Variants in MYO9B observed in about 807,000 individuals in gnomAD.
MYO9B encodes the protein myosin IXB.
In MYO9B, 71 loss-of-function variants were observed where a neutral mutation model predicts 229.5. The ratio of observed to expected loss-of-function variants is 0.31; its 90% CI spans 0.26 to 0.38. The LOEUF is 0.38. Ranked by LOEUF, MYO9B falls within the 10% of genes least tolerant of loss-of-function variation. The pLI is 1.00. For missense variants in MYO9B, 2,255 were observed against 2,920.5 expected (o/e 0.77, Z 5.25); for synonymous variants, 1,185 against 1,235.8 (o/e 0.96, Z 0.86).
At chr19:17,143,018 C>G (rs1036904972) in intron 2 of MYO9B, among the ~76,000 whole-genome samples, 2 of 152,138 alleles carry the variant, frequency 1.3e-5, no homozygotes, top group African/African-American at 4.8e-5. Context: ...GCGGGCAGAT[C>G]ACCTGAGGTC....
chr19:17,086,458 C>T (rs1360922421), intron 1 of MYO9B, among the ~76,000 whole-genome samples: 1 of 152,224 alleles, frequency 6.6e-6, no homozygotes, highest in Non-Finnish European at 1.5e-5. Flanking sequence ...CCCACCTTGG[C>T]CCGGCTCGTA....
At chr19:17,158,268 A>G (rs563809647) in intron 7 of MYO9B, among the ~76,000 whole-genome samples, 1 of 152,130 alleles carries the variant, frequency 6.6e-6, no homozygotes, top group African/African-American at 2.4e-5. Context: ...ATCTGCTGGG[A>G]TATTTAGAGA....
At chr19:17,194,114 G>A (rs1201952835) in intron 21 of MYO9B, among the ~76,000 whole-genome samples, 1 of 152,074 alleles carries the variant, frequency 6.6e-6, no homozygotes, top group African/African-American at 2.4e-5. Context: ...AGAGGTCGCA[G>A]CAAGCCAAGA....
chr19:17,197,465 T>A (rs2073058726), intron 22 of MYO9B, among the ~76,000 whole-genome samples: 1 of 150,770 alleles, frequency 6.6e-6, no homozygotes, highest in East Asian at 1.9e-4. Flanking sequence ...GATAGATAGA[T>A]GGGCAGGCAG....
At chr19:17,108,323 C>T (rs919774780) in intron 2 of MYO9B, among the ~76,000 whole-genome samples, 2 of 152,056 alleles carry the variant, frequency 1.3e-5, no homozygotes, top group Non-Finnish European at 2.9e-5. Flanking sequence ...CTTCCTGGGG[C>T]GACTGTTTGC....
At chr19:17,153,437 A>G (rs2072502477) in intron 4 of MYO9B, among the ~76,000 whole-genome samples, 1 of 151,160 alleles carries the variant, frequency 6.6e-6, no homozygotes. Flanking sequence ...CTGTAATCCC[A>G]GCACTTTGGG....
intron 1 of MYO9B, among the ~76,000 whole-genome samples, chr19:17,090,779 T>G (rs1471460688): frequency 6.6e-6 from 1 of 152,104 alleles, no homozygotes; most frequent in Non-Finnish European, 1.5e-5. Context: ...GAAACACGTT[T>G]TCAGGACCCG....
At chr19:17,110,443 G>A (rs896777785) in intron 2 of MYO9B, among the ~76,000 whole-genome samples, 1 of 152,110 alleles carries the variant, frequency 6.6e-6, no homozygotes, top group Non-Finnish European at 1.5e-5. Flanking sequence ...ATGGGGTCTC[G>A]CCGCAAAGCA....
In MYO9B at chr19:17,175,694, A is replaced by C. The variant is rs369700226; in HGVS notation, c.2172A>C (p.Pro724=). 5.7e-6 allele frequency: 9 copies of C among 1,575,512 alleles called. No individual in the cohort carries two copies. The highest frequency in any genetic ancestry group is 7.8e-6 in the Non-Finnish European group (9 of 1,161,060). ...GCAGCCCTGGTGCCCAAAGTCACCC[A>C]GAAGAGCTGCCAAGAGGAGCCAGCA... ...GMSSPGAQSH[P]EELPRGASTP... The change falls in exon 14 of 40, where the codon CCA becomes CCC. Residue 724 remains proline (P), a synonymous_variant. Transcript: ENST00000682292.
chr19:17,119,006 C>A (rs2057935421), intron 2 of MYO9B, among the ~76,000 whole-genome samples: 1 of 152,118 alleles, frequency 6.6e-6, no homozygotes, highest in Non-Finnish European at 1.5e-5. Flanking sequence ...TCTCACCTCT[C>A]CCCTACAAAC....
intron 3 of MYO9B, among the ~76,000 whole-genome samples, chr19:17,150,367 C>A (rs903023554): frequency 1.3e-5 from 2 of 151,388 alleles, no homozygotes; most frequent in African/African-American, 4.9e-5. Flanking sequence ...CAGATCATGC[C>A]ACTGCACCCC....
rs371170616 is a variant in MYO9B, at chr19:17,185,975, C to T, written c.2551C>T (p.Arg851Cys). 55 of 1,613,716 alleles carry T rather than the reference C, an allele frequency of 3.4e-5. 1 individual carries two copies. Among genetic ancestry groups the T allele is most frequent in the Non-Finnish European group, 4.2e-5 (49 of 1,179,800 alleles). The change falls in exon 18 of 40, where the codon CGC becomes TGC. Residue 851 changes from arginine to cysteine, a missense_variant. Coordinates refer to ENST00000682292, the MANE Select transcript of MYO9B (RefSeq NM_004145.4). Reference protein sequence around the residue: ...ALGKAEPFFIRCIRSNAEKKE... With the variant: ...ALGKAEPFFICCIRSNAEKKE... ...GGGGAAGGCGGAGCCCTTCTTTATC[C>T]GCTGCATCCGTTCCAATGCTGAAAA...
At chr19:17,204,256 G>C (rs533889617) in intron 30 of MYO9B, among the ~76,000 whole-genome samples, 1 of 151,952 alleles carries the variant, frequency 6.6e-6, no homozygotes, top group Admixed American at 6.5e-5. Flanking sequence ...CAGCTGGGTG[G>C]CCTGGGATTC....
intron 1 of MYO9B, among the ~76,000 whole-genome samples, chr19:17,100,780 A>G (rs2057737489): frequency 6.6e-6 from 1 of 152,062 alleles, no homozygotes; most frequent in Non-Finnish European, 1.5e-5. Flanking sequence ...TTCAGAAGCA[A>G]CCACACTCTA....
chr19:17,202,413 C>T lies in MYO9B; in HGVS notation c.4836+110C>T, dbSNP rs113780840. On this transcript the variant is annotated intron_variant, in intron 28 of 39. Transcript: ENST00000682292. ...TCACCATGCTTATGCCACACCCACC[C>T]ATGCCCTGCCCATACCACAGCCACT... 4,858 of 1,090,604 alleles carry T rather than the reference C, an allele frequency of 4.5e-3. 18 individuals carry two copies. The highest frequency in any genetic ancestry group is 6.0e-3 in the Middle Eastern group (21 of 3,488). 67.6% of individuals were successfully genotyped at this position (1,090,604 alleles called of 1,614,324 possible). A position where few individuals can be genotyped will look rare whatever the true frequency, so the allele number is the denominator to read the frequency against.
At chr19:17,080,316 C>T (rs771502023) in intron 1 of MYO9B, among the ~76,000 whole-genome samples, 14 of 152,172 alleles carry the variant, frequency 9.2e-5, no homozygotes, top group Non-Finnish European at 7.3e-5. Context: ...AGTATATTGG[C>T]TTGCAGTTCT....
intron 2 of MYO9B, among the ~76,000 whole-genome samples, chr19:17,134,096 G>A (rs1251227947): frequency 6.6e-6 from 1 of 151,900 alleles, no homozygotes; most frequent in Non-Finnish European, 1.5e-5. Context: ...TTTGGACTGG[G>A]GGTACATGTG....
Position 17,172,927 on chromosome 19 carries a change from G to A in MYO9B, c.2104G>A (p.Gly702Arg), listed in dbSNP as rs368425030. 1.6e-4 allele frequency: 257 copies of A among 1,599,090 alleles called. No homozygotes were observed. The highest frequency in any genetic ancestry group is 2.1e-4 in the Non-Finnish European group (249 of 1,179,588). The stretch of plus-strand genomic sequence containing the variant: ...GGCCATGGCAGTGCTTCGGGAGGCC[G>A]GACGCCTGCGGGCCGAGAGGGCCGA... The part of the protein sequence containing the change: ...IRAMAVLREA[G>R]RLRAERAEKA... Residue 702 changes from glycine to arginine, a missense_variant, in exon 13 of 40, where the codon GGA becomes AGA. Gly to Arg is a moderately radical substitution (Grantham distance 125). This residue lies in a region of MYO9B where 155 missense variants were observed against 159.1 expected (regional missense o/e 0.97). Transcript: ENST00000682292. The surrounding 1 kb of genome is among the most constrained non-coding windows in gnomAD (Gnocchi z 8.2).
chr19:17,129,753 T>C (rs1370595423), intron 2 of MYO9B, among the ~76,000 whole-genome samples: 1 of 152,232 alleles, frequency 6.6e-6, no homozygotes, highest in African/African-American at 2.4e-5. Flanking sequence ...CCACAGGTCA[T>C]GATATGTCAT....
Sources: gnomAD v4.1 joint callset for allele counts (sites outside exome capture counted in the v4.1 genomes callset) on GRCh38, gnomAD v4.1.1 for gene constraint, gnomAD v4.1.1 regional missense constraint, Gnocchi (gnomAD v3.1) non-coding constraint, MANE v1.5 for transcripts, NCBI Gene and HGNC (gene_info 2026-07-23, HGNC 2026-07-21) for gene names.